The following CLVS1 variants were observed in gnomAD, a reference collection of about 807,000 sequenced individuals.
CLVS1 encodes clavesin-1.
In CLVS1, 10 loss-of-function variants were observed where a neutral mutation model predicts 33.1. The ratio of observed to expected loss-of-function variants is 0.30; its 90% CI spans 0.19 to 0.51. The LOEUF is 0.51. Ranked by LOEUF, CLVS1 falls within the 20% of genes least tolerant of loss-of-function variation. The probability of loss-of-function intolerance (pLI) is 0.97; values close to 1 mark genes in which losing one functional copy is unlikely to be tolerated. For missense variants in CLVS1, 343 were observed against 433.4 expected, an observed-to-expected ratio of 0.79 and a Z score of 1.85; for synonymous variants, 163 against 166.1, an observed-to-expected ratio of 0.98 and a Z score of 0.14.
At chr8:61,253,231 G>T (rs1808990698) in intron 2 of CLVS1, among the ~76,000 whole-genome samples, 1 of 152,152 alleles carries the variant, frequency 6.6e-6, no homozygotes, top group African/African-American at 2.4e-5. Flanking sequence ...TTTTCTTTAA[G>T]AATGTTGAGA....
chr8:61,092,195 T>C (rs2129284678), intron 1 of CLVS1, among the ~76,000 whole-genome samples: 1 of 152,364 alleles, frequency 6.6e-6, no homozygotes, highest in Middle Eastern at 3.4e-3. Flanking sequence ...TTTTCCCCTT[T>C]GCATTTGAAC....
intron 1 of CLVS1, among the ~76,000 whole-genome samples, chr8:61,069,769 T>C (rs1290334533): frequency 6.6e-6 from 1 of 152,088 alleles, no homozygotes; most frequent in Admixed American, 6.6e-5. Flanking sequence ...GGCTTTCCTT[T>C]TTTTCTTTCT....
chr8:61,028,810 T>C, the CLVS1 span, among the ~76,000 whole-genome samples: 1 of 152,248 alleles, frequency 6.6e-6, no homozygotes, highest in Admixed American at 6.5e-5. Context: ...GAGGTTCTGC[T>C]TGGAGCACAG....
At chr8:61,231,937 G>C (rs1266222922) in intron 2 of CLVS1, among the ~76,000 whole-genome samples, 1 of 151,094 alleles carries the variant, frequency 6.6e-6, no homozygotes, top group Non-Finnish European at 1.5e-5. Flanking sequence ...TGCCCTCTAT[G>C]CATGTATTTT....
the CLVS1 span, among the ~76,000 whole-genome samples, chr8:60,970,855 A>G: frequency 7.8e-4 from 119 of 152,100 alleles, no homozygotes; most frequent in African/African-American, 2.7e-3. Flanking sequence ...TTGGAACTCT[A>G]TTATTTGGAT....
At chr8:61,053,197 G>C (rs1433232785), upstream of CLVS1, among the ~76,000 whole-genome samples, 2 of 152,202 alleles carry the variant, frequency 1.3e-5, no homozygotes, top group Non-Finnish European at 2.9e-5. Context: ...AGTCTGCAGT[G>C]CATGACAGGA....
intron 3 of CLVS1, among the ~76,000 whole-genome samples, chr8:61,420,307 A>G (rs1470561668): frequency 1.3e-5 from 2 of 152,222 alleles, no homozygotes; most frequent in Non-Finnish European, 2.9e-5. Flanking sequence ...AGCCTTTAAA[A>G]AAACATTGTT....
chr8:61,257,453 T>A (rs1489493710), intron 2 of CLVS1, among the ~76,000 whole-genome samples: 1 of 152,216 alleles, frequency 6.6e-6, no homozygotes. Flanking sequence ...TTGAAAAGGC[T>A]AGGTGAATGA....
intron 1 of CLVS1, among the ~76,000 whole-genome samples, chr8:61,122,571 CACA>C (rs1805894726): frequency 2.4e-5 from 1 of 42,252 alleles, no homozygotes; most frequent in African/African-American, 2.1e-4. Flanking sequence ...ATTAAGAAAA[CACA>C]CACACACACA....
At chr8:61,136,751 T>C (rs1806197829) in intron 2 of CLVS1, among the ~76,000 whole-genome samples, 1 of 152,134 alleles carries the variant, frequency 6.6e-6, no homozygotes, top group African/African-American at 2.4e-5. Flanking sequence ...ACTTAATACC[T>C]GGGTGATGGA....
intron 2 of CLVS1, among the ~76,000 whole-genome samples, chr8:61,344,037 C>T (rs1812116982): frequency 6.6e-6 from 1 of 152,024 alleles, no homozygotes; most frequent in Non-Finnish European, 1.5e-5. Context: ...CCAATATGTG[C>T]AATAATAATT....
At chr8:61,304,586 T>G (rs956728675) in intron 2 of CLVS1, among the ~76,000 whole-genome samples, 4 of 152,234 alleles carry the variant, frequency 2.6e-5, no homozygotes, top group Admixed American at 2.0e-4. Flanking sequence ...TGCTGGTCGA[T>G]GAGCCCTCTG....
intron 2 of CLVS1, among the ~76,000 whole-genome samples, chr8:61,355,721 T>A (rs2129599423): frequency 6.6e-6 from 1 of 151,740 alleles, no homozygotes; most frequent in East Asian, 1.9e-4. Flanking sequence ...ATTTCATCCA[T>A]GTCCCTACAA....
At chr8:61,223,797 C>T (rs1447775634) in intron 2 of CLVS1, among the ~76,000 whole-genome samples, 2 of 152,054 alleles carry the variant, frequency 1.3e-5, no homozygotes, top group Non-Finnish European at 2.9e-5. Flanking sequence ...CCATTCTCTC[C>T]AACTCTTTCA....
chr8:61,254,727 G>T (rs1188870278), intron 2 of CLVS1, among the ~76,000 whole-genome samples: 1 of 152,158 alleles, frequency 6.6e-6, no homozygotes, highest in African/African-American at 2.4e-5. Context: ...GCCAGGCACG[G>T]GATATAATCT....
rs535027556 is a variant in CLVS1 at position 61,480,629 on chromosome 8, G to A, written c.978-18826G>A. On this transcript the variant is annotated intron_variant, in intron 5 of 5. Transcript: ENST00000325897. ...CGGCACTCCCCAGTGAGATGAACCCGGTACCTCAGTTGGTAATGCAGAAAT... is the reference window on the plus strand; with the variant it reads ...CGGCACTCCCCAGTGAGATGAACCCAGTACCTCAGTTGGTAATGCAGAAAT... Among the ~76,000 whole-genome samples the A allele has an allele frequency of 9.9e-5, 15 of 152,160 alleles. 1 individual carries two copies. The highest frequency in any genetic ancestry group is 2.9e-4 in the African/African-American group (12 of 41,518).
In CLVS1 at chr8:61,344,192, GA is replaced by G. The variant is rs912805551; in HGVS notation, c.456-32405del. 2.4e-3 allele frequency among the ~76,000 whole-genome samples: 362 copies of G among 151,830 alleles called. 3 individuals carry two copies. Among genetic ancestry groups the G allele is most frequent in the African/African-American group, 7.8e-3 (325 of 41,422 alleles). ...TTGAGACACAGAGAAATTAAAAAAA[GA>G]AAAAAAAGAAAGTTTGACCAAATCA... On this transcript the variant is annotated intron_variant, in intron 2 of 5. Coordinates refer to ENST00000325897, the MANE Select transcript of CLVS1 (RefSeq NM_173519.3).
intron 1 of CLVS1, chr8:61,091,009 C>T (rs561749015): frequency 8.5e-6 from 4 of 470,424 alleles, no homozygotes; most frequent in Admixed American, 4.7e-5. Flanking sequence ...AATACATTTG[C>T]ACCCTAATCC....
chr8:61,408,653 G>T (rs1815090670), intron 3 of CLVS1, among the ~76,000 whole-genome samples: 2 of 152,180 alleles, frequency 1.3e-5, no homozygotes, highest in Non-Finnish European at 2.9e-5. Context: ...GTTTATAAGT[G>T]AAGAAAGTAA....
Sources: allele counts gnomAD v4.1 joint callset (sites outside exome capture counted in the v4.1 genomes callset), GRCh38; gene constraint gnomAD v4.1.1; transcripts MANE v1.5; gene names NCBI Gene and HGNC (gene_info 2026-07-23, HGNC 2026-07-21).